The following LRMDA variants were observed in gnomAD, a reference collection of about 807,000 sequenced individuals.
LRMDA encodes the protein leucine-rich melanocyte differentiation-associated protein.
Under a neutral mutation model 29.8 loss-of-function variants are expected in LRMDA, and 18 were observed. That is an observed-to-expected ratio of 0.60 (90% CI 0.42 to 0.90). The LOEUF is 0.90. Among genes scored for constraint, LRMDA ranks in the 40% least tolerant of loss-of-function variants. The pLI is 0.00. For missense variants in LRMDA, 273 were observed against 273.9 expected, an observed-to-expected ratio of 1.00 and a Z score of 0.02; for synonymous variants, 125 against 109.4, an observed-to-expected ratio of 1.14 and a Z score of -0.89.
At position 75,841,977 on chromosome 10, in the gene LRMDA, C is replaced by T. The variant is rs1374976123; in HGVS notation, c.132-194031C>T. On this transcript the variant is annotated intron_variant, in intron 2 of 6. Coordinates refer to ENST00000611255, the MANE Select transcript of LRMDA (RefSeq NM_001305581.2). ...ATGGAGATGATGGGGCTGAACTCAT[C>T]GCTTGTTTAAAGTTCCTCAGTTATT... 4.6e-5 allele frequency among the ~76,000 whole-genome samples: 7 copies of T among 152,276 alleles called. No homozygotes were observed. The East Asian group carries it at 5.8e-4, about 13-fold the overall frequency.
At chr10:76,440,323 C>T (rs1842288346) in intron 6 of LRMDA, among the ~76,000 whole-genome samples, 1 of 152,140 alleles carries the variant, frequency 6.6e-6, no homozygotes, top group Non-Finnish European at 1.5e-5. Flanking sequence ...AATCACAATG[C>T]ACATAATTTC....
At chr10:76,553,960 A>C (rs985250622) in intron 6 of LRMDA, among the ~76,000 whole-genome samples, 8 of 152,136 alleles carry the variant, frequency 5.3e-5, no homozygotes, top group African/African-American at 1.9e-4. Context: ...TCAAGGTGAC[A>C]GCTCCTCACA....
chr10:75,850,653 A>C (rs187212310), intron 2 of LRMDA, among the ~76,000 whole-genome samples: 289 of 152,284 alleles, frequency 1.9e-3, no homozygotes, highest in Middle Eastern at 0.017. Flanking sequence ...TGGTTCATCT[A>C]ATACACAGGG....
intron 2 of LRMDA, among the ~76,000 whole-genome samples, chr10:75,827,482 A>G (rs1021429007): frequency 3.3e-5 from 5 of 152,090 alleles, no homozygotes; most frequent in African/African-American, 1.2e-4. Context: ...TCAAAGTTTT[A>G]TTTGGTCTCT....
intron 2 of LRMDA, among the ~76,000 whole-genome samples, chr10:75,551,526 C>T (rs1484501056): frequency 6.6e-6 from 1 of 151,722 alleles, no homozygotes; most frequent in East Asian, 1.9e-4. Context: ...ATGTTCCCCT[C>T]CCTGTGTCCA....
At chr10:76,502,629 G>A (rs1842921744) in intron 6 of LRMDA, among the ~76,000 whole-genome samples, 2 of 151,626 alleles carry the variant, frequency 1.3e-5, no homozygotes, top group African/African-American at 4.8e-5. Flanking sequence ...ATTGTAAGTG[G>A]GATTGTTTTC....
chr10:76,220,026 T>A (rs951249707), intron 5 of LRMDA, among the ~76,000 whole-genome samples: 1 of 152,088 alleles, frequency 6.6e-6, no homozygotes, highest in Non-Finnish European at 1.5e-5. Flanking sequence ...TACTGGGTAC[T>A]TAACGAAATG....
chr10:75,666,507 C>T (rs1042969664), intron 2 of LRMDA, among the ~76,000 whole-genome samples: 8 of 148,662 alleles, frequency 5.4e-5, no homozygotes, highest in South Asian at 2.1e-4. Context: ...AGAAATTATG[C>T]GCTTGTGATA....
At chr10:76,337,040 A>G (rs934688647) in intron 6 of LRMDA, among the ~76,000 whole-genome samples, 1 of 152,166 alleles carries the variant, frequency 6.6e-6, no homozygotes, top group Non-Finnish European at 1.5e-5. Flanking sequence ...GAGACAGGTT[A>G]GATAGGGCAG....
chr10:76,541,007 C>A (rs1007441907), intron 6 of LRMDA, among the ~76,000 whole-genome samples: 5 of 152,202 alleles, frequency 3.3e-5, no homozygotes. Context: ...CCAGTCCTAG[C>A]ACCCATGGAG....
chr10:75,872,837 C>A (rs1437971857), intron 2 of LRMDA, among the ~76,000 whole-genome samples: 1 of 152,118 alleles, frequency 6.6e-6, no homozygotes, highest in Admixed American at 6.6e-5. Context: ...GCCTGTTATA[C>A]ATTTGTATTA....
chr10:76,287,236 CAT>C (rs927274610), intron 5 of LRMDA, among the ~76,000 whole-genome samples: 1 of 152,130 alleles, frequency 6.6e-6, no homozygotes, highest in Non-Finnish European at 1.5e-5. Context: ...CCACTCTCAG[CAT>C]ACAGGTGGCT....
intron 2 of LRMDA, among the ~76,000 whole-genome samples, chr10:75,942,696 A>G (rs1235487649): frequency 6.6e-6 from 1 of 152,150 alleles, no homozygotes; most frequent in African/African-American, 2.4e-5. Context: ...CTTCTCATCA[A>G]TTAATGTGCT....
intron 2 of LRMDA, among the ~76,000 whole-genome samples, chr10:75,852,538 ACAAC>A (rs1844749239): frequency 1.0e-5 from 1 of 99,646 alleles, no homozygotes; most frequent in African/African-American, 2.8e-5. Context: ...AACAACAACA[ACAAC>A]AAAAAAAACA....
intron 6 of LRMDA, among the ~76,000 whole-genome samples, chr10:76,363,113 T>TAAGG (rs1296957123): frequency 3.8e-5 from 4 of 105,360 alleles, no homozygotes; most frequent in Admixed American, 1.3e-4. Context: ...GCCTGTGGAG[T>TAAGG]AAGGAAAGAA....
chr10:76,059,207 A>G (rs1306547814), intron 5 of LRMDA, among the ~76,000 whole-genome samples: 1 of 152,166 alleles, frequency 6.6e-6, no homozygotes, highest in Non-Finnish European at 1.5e-5. Context: ...ATTTTCTTCC[A>G]TCACAGGCAA....
intron 5 of LRMDA, among the ~76,000 whole-genome samples, chr10:76,259,727 A>G (rs1003489167): frequency 1.3e-5 from 2 of 151,926 alleles, no homozygotes; most frequent in African/African-American, 2.4e-5. Context: ...AATATTTGTT[A>G]CATATATATA....
At chr10:75,502,463 G>A (rs1845123460) in intron 2 of LRMDA, among the ~76,000 whole-genome samples, 1 of 151,994 alleles carries the variant, frequency 6.6e-6, no homozygotes, top group Non-Finnish European at 1.5e-5. Flanking sequence ...TGAATTAATG[G>A]GGCCAATCCT....
chr10:76,109,577 C>A (rs913594997), intron 5 of LRMDA, among the ~76,000 whole-genome samples: 11 of 152,196 alleles, frequency 7.2e-5, no homozygotes, highest in African/African-American at 2.7e-4. Flanking sequence ...AGTTCTTTCT[C>A]TTTTTGCTTT....
Sources: gnomAD v4.1 joint callset for allele counts (sites outside exome capture counted in the v4.1 genomes callset) on GRCh38, gnomAD v4.1.1 for gene constraint, MANE v1.5 for transcripts, NCBI Gene and HGNC (gene_info 2026-07-23, HGNC 2026-07-21) for gene names.